Variants in NLRC5 observed in about 807,000 individuals in gnomAD.
NLRC5 encodes protein NLRC5.
A neutral mutation model predicts 206.9 loss-of-function variants in NLRC5; 114 were observed. That is an observed-to-expected ratio of 0.55 (90% CI 0.47 to 0.64). NLRC5 has a LOEUF of 0.64. Ranked by LOEUF, NLRC5 falls within the 30% of genes least tolerant of loss-of-function variation. The pLI is 0.00. For synonymous variants in NLRC5, 952 were observed against 962.8 expected, an observed-to-expected ratio of 0.99 and a Z score of 0.21; for missense variants, 2,008 against 2,305.5, an observed-to-expected ratio of 0.87 and a Z score of 2.64.
At chr16:57,078,888 A>G (rs2145124008) in intron 43 of NLRC5, among the ~76,000 whole-genome samples, 162 bp from the exon 44 acceptor site, 1 of 152,212 alleles carries the variant, frequency 6.6e-6, no homozygotes, top group East Asian at 1.9e-4. Flanking sequence ...GGGATCTCAG[A>G]CCCCAAAGCC....
intron 22 of NLRC5, among the ~76,000 whole-genome samples, chr16:57,047,243 G>T (rs536746153): frequency 1.3e-4 from 20 of 152,296 alleles, no homozygotes; most frequent in African/African-American, 4.6e-4. Flanking sequence ...AAGCCCAGAG[G>T]GTGTTAAATG....
At chr16:57,074,454 T>A in intron 38 of NLRC5, 146 bp from the exon 39 acceptor site, 1 of 709,572 alleles carries the variant, frequency 1.4e-6, no homozygotes, top group Admixed American at 1.9e-5. Flanking sequence ...CCCAGTACAG[T>A]TCATTTTGTA....
At chr16:57,036,403 G>A (rs376174748) in intron 14 of NLRC5, among the ~76,000 whole-genome samples, 4 of 151,988 alleles carry the variant, frequency 2.6e-5, no homozygotes, top group South Asian at 2.1e-4. Flanking sequence ...TGTAAAATGC[G>A]TTCATTATAC....
At chr16:57,043,046 C>G (rs2063488634) in intron 19 of NLRC5, among the ~76,000 whole-genome samples, 1 of 152,130 alleles carries the variant, frequency 6.6e-6, no homozygotes, top group African/African-American at 2.4e-5. Context: ...CTACCAGTGT[C>G]CCCGTGGGAG....
At chr16:56,995,324 T>C (rs1293508167) in intron 1 of NLRC5, among the ~76,000 whole-genome samples, 1 of 152,178 alleles carries the variant, frequency 6.6e-6, no homozygotes, top group Non-Finnish European at 1.5e-5. Flanking sequence ...CCCAGCTGGC[T>C]GTTTCTGTCT....
chr16:57,041,028 C>T (rs972319869), intron 17 of NLRC5, among the ~76,000 whole-genome samples: 3 of 152,146 alleles, frequency 2.0e-5, no homozygotes, highest in Non-Finnish European at 2.9e-5. Context: ...GAGCACTGGG[C>T]TCCTTCTGTC....
chr16:56,997,360 C>T (rs1161688257), intron 1 of NLRC5, among the ~76,000 whole-genome samples: 7 of 152,088 alleles, frequency 4.6e-5, no homozygotes, highest in East Asian at 1.9e-4. Flanking sequence ...GCATTGGCTG[C>T]GGACTGGACA....
At chr16:57,044,782 C>T (rs905823005) in intron 20 of NLRC5, among the ~76,000 whole-genome samples, 10 of 151,732 alleles carry the variant, frequency 6.6e-5, no homozygotes, top group Admixed American at 3.9e-4. Context: ...ATTAGCCAAG[C>T]GTGATGGCAT....
At chr16:57,017,532 G>A (rs140419590) in intron 2 of NLRC5, among the ~76,000 whole-genome samples, 106 of 152,290 alleles carry the variant, frequency 7.0e-4, no homozygotes, top group African/African-American at 2.5e-3. Context: ...AGTGACTCAT[G>A]GCAACAAAAG....
intron 1 of NLRC5, among the ~76,000 whole-genome samples, chr16:57,000,618 A>G (rs1199326278): frequency 6.6e-6 from 1 of 152,038 alleles, no homozygotes; most frequent in Non-Finnish European, 1.5e-5. Context: ...TGTGAGCCTC[A>G]ATTTCCTCAT....
At chr16:57,045,321 A>G in intron 20 of NLRC5, 127 bp from the exon 21 acceptor site, 2 of 748,528 alleles carry the variant, frequency 2.7e-6, no homozygotes, top group Non-Finnish European at 4.8e-6. Context: ...TGCTTAATCT[A>G]TTCCTTGTTT....
intron 27 of NLRC5, 123 bp from the exon 28 acceptor site, chr16:57,057,942 C>T (rs1025899815): frequency 2.9e-5 from 21 of 735,094 alleles, no homozygotes; most frequent in East Asian, 2.4e-4. Flanking sequence ...ATGGTGGTGG[C>T]GCTGGTGACC....
At chr16:57,057,743 G>A (rs1207346478) in intron 27 of NLRC5, among the ~76,000 whole-genome samples, 1 of 152,208 alleles carries the variant, frequency 6.6e-6, no homozygotes, top group Non-Finnish European at 1.5e-5. Context: ...GTGCTGGGGA[G>A]GGGATAGTAG....
rs776218593 is a variant in NLRC5 at position 57,047,526 on chromosome 16, G to A, written c.3339-19G>A. ...TGGGCTTTCTCTGATTCCCTGCCCT[G>A]CCCATTGCCCCTTTGCAGCCTCAGT... On this transcript the variant is annotated intron_variant, in intron 22 of 48. Transcript: ENST00000688547. The A allele has an allele frequency of 1.2e-6, 2 of 1,605,958 alleles. No homozygotes were observed. The highest frequency in any genetic ancestry group is 2.2e-5 in the East Asian group (1 of 44,760).
chr16:57,079,516 A>G, intron 45 of NLRC5, 30 bp from the exon 46 acceptor site: 1 of 1,590,914 alleles, frequency 6.3e-7, no homozygotes, highest in South Asian at 1.1e-5. Flanking sequence ...AACAACCCCC[A>G]TCCCATCCCA....
intron 20 of NLRC5, chr16:57,043,847 ACT>A (rs2063588561): frequency 1.8e-6 from 1 of 553,932 alleles, no homozygotes; most frequent in Admixed American, 3.2e-5. Context: ...GAGTTCATTG[ACT>A]CTGCCTCACT....
chr16:57,026,102 G>A lies in NLRC5; in HGVS notation c.1159G>A (p.Glu387Lys). ...CTTCTTCAGCGCCCAGCCATCGCGG[G>A]AGGGGGCCCTGGTGGAGTTACAGAC... ...NHFFSAQPSR[E>K]GALVELQTNG... The change falls in exon 6 of 49, where the codon GAG becomes AAG. Residue 387 changes from glutamate to lysine, a missense_variant. Coordinates refer to ENST00000688547, the MANE Select transcript of NLRC5 (RefSeq NM_001384950.1). 1.2e-6 allele frequency: 2 copies of A among 1,614,148 alleles called. No homozygotes were observed. Among genetic ancestry groups the A allele is most frequent in the Non-Finnish European group, 1.7e-6 (2 of 1,180,048 alleles).
intron 1 of NLRC5, among the ~76,000 whole-genome samples, chr16:57,014,301 C>T (rs1337263576): frequency 6.6e-6 from 1 of 152,204 alleles, no homozygotes; most frequent in Non-Finnish European, 1.5e-5. Context: ...CACTTGGACT[C>T]TATTCCATCC....
In NLRC5 at chr16:57,059,194, T is replaced by C. The variant is rs548327969; in HGVS notation, c.3920+133T>C. On this transcript the variant is annotated intron_variant, in intron 29 of 48. Transcript: ENST00000688547. The stretch of plus-strand genomic sequence containing the variant: ...TGGCTTGGAGCAACCTCTGCCTTTC[T>C]CTGAATCTCAGGGTTTCCTGGGCAT... The C allele has an allele frequency of 3.2e-6, 5 of 1,560,212 alleles. No individual in the cohort carries two copies. In the African/African-American group the frequency reaches 5.4e-5, roughly 17 times the overall value.
Sources: gnomAD v4.1 joint callset for allele counts (sites outside exome capture counted in the v4.1 genomes callset) on GRCh38, gnomAD v4.1.1 for gene constraint, MANE v1.5 for transcripts, NCBI Gene and HGNC (gene_info 2026-07-23, HGNC 2026-07-21) for gene names.